The following BANP variants were observed in gnomAD, a reference collection of about 807,000 sequenced individuals.
BANP encodes the protein protein BANP.
In BANP, 11 loss-of-function variants were observed where a neutral mutation model predicts 68.1. The observed-to-expected ratio is 0.16, with a 90% CI of 0.10 to 0.27. The LOEUF (loss-of-function observed/expected upper bound fraction) is 0.27, where lower values mean the gene tolerates loss of function less well. BANP is among the 10% of genes least tolerant of loss of function. The pLI is 1.00. For missense variants in BANP, 504 were observed against 722.7 expected, an observed-to-expected ratio of 0.70 and a Z score of 3.47; for synonymous variants, 329 against 303.2, an observed-to-expected ratio of 1.09 and a Z score of -0.88.
At chr16:87,955,082 C>T (rs1215560992) in intron 1 of BANP, among the ~76,000 whole-genome samples, 1 of 152,250 alleles carries the variant, frequency 6.6e-6, no homozygotes, top group Non-Finnish European at 1.5e-5. Context: ...ACTTTGGCTC[C>T]TCGCTGGGTC....
intron 9 of BANP, among the ~76,000 whole-genome samples, chr16:88,033,772 C>T (rs547018620): frequency 6.6e-6 from 1 of 152,284 alleles, no homozygotes; most frequent in East Asian, 1.9e-4. Context: ...CTTGCCCGTG[C>T]GGAGTTCTCT....
chr16:88,055,083 A>G (rs55692025), intron 11 of BANP, among the ~76,000 whole-genome samples: 14,312 of 151,608 alleles, frequency 0.094, 1,533 homozygotes, highest in African/African-American at 0.26. Context: ...TGTTTCTAGT[A>G]CGTGTGTATT....
chr16:88,049,220 G>T (rs2082700046), intron 11 of BANP, among the ~76,000 whole-genome samples: 1 of 152,170 alleles, frequency 6.6e-6, no homozygotes, highest in African/African-American at 2.4e-5. Flanking sequence ...CCGGCTTCAG[G>T]TTGGGCTTCC....
At chr16:87,972,994 G>A (rs952345339) in intron 1 of BANP, among the ~76,000 whole-genome samples, 9 of 151,920 alleles carry the variant, frequency 5.9e-5, no homozygotes, top group African/African-American at 1.2e-4. Flanking sequence ...TCCTATGCCC[G>A]TGTGCCATGC....
intron 7 of BANP, among the ~76,000 whole-genome samples, chr16:88,019,799 A>G (rs2152678149): frequency 6.6e-6 from 1 of 152,034 alleles, no homozygotes; most frequent in Non-Finnish European, 1.5e-5. Flanking sequence ...GTGGCCCGTG[A>G]GCCTCTGTCA....
intron 12 of BANP, among the ~76,000 whole-genome samples, chr16:88,068,261 G>A (rs931486884): frequency 4.6e-5 from 7 of 152,226 alleles, no homozygotes; most frequent in African/African-American, 1.7e-4. Context: ...CCCCAGGCTT[G>A]GGTTTCCTGG....
chr16:88,015,608 C>T (rs934687678), intron 6 of BANP, among the ~76,000 whole-genome samples: 1 of 152,238 alleles, frequency 6.6e-6, no homozygotes, highest in African/African-American at 2.4e-5. Flanking sequence ...TGCTTGGGGT[C>T]ACCCGTTCTC....
At chr16:87,991,200 C>A (rs145708219) in intron 4 of BANP, among the ~76,000 whole-genome samples, 2 of 152,310 alleles carry the variant, frequency 1.3e-5, no homozygotes, top group East Asian at 3.9e-4. Flanking sequence ...TACATACCTA[C>A]AACTTCAGGA....
At chr16:88,050,272 T>G (rs909096441) in intron 11 of BANP, among the ~76,000 whole-genome samples, 2 of 152,118 alleles carry the variant, frequency 1.3e-5, no homozygotes, top group South Asian at 4.1e-4. Context: ...TCCTCCCACC[T>G]CAGCCTCCCC....
intron 4 of BANP, among the ~76,000 whole-genome samples, chr16:87,997,270 G>A (rs143120747): frequency 6.6e-6 from 1 of 152,348 alleles, no homozygotes; most frequent in Non-Finnish European, 1.5e-5. Flanking sequence ...AAGAGGTTTT[G>A]TTTTAAATCC....
At chr16:87,967,299 G>A (rs2060212319) in intron 1 of BANP, among the ~76,000 whole-genome samples, 1 of 140,722 alleles carries the variant, frequency 7.1e-6, no homozygotes, top group Non-Finnish European at 1.5e-5. Flanking sequence ...AGTAGAGACG[G>A]GGTTTCACCC....
At chr16:88,048,574 A>T (rs1252740808) in intron 11 of BANP, among the ~76,000 whole-genome samples, 1 of 151,940 alleles carries the variant, frequency 6.6e-6, no homozygotes, top group Non-Finnish European at 1.5e-5. Context: ...ACCACAGATT[A>T]AAGAAAGGGC....
intron 6 of BANP, among the ~76,000 whole-genome samples, chr16:88,013,057 C>A (rs965326239): frequency 6.6e-6 from 1 of 152,210 alleles, no homozygotes; most frequent in African/African-American, 2.4e-5. Flanking sequence ...CATTTAAACT[C>A]AGAGTCTTTG....
chr16:88,069,638 C>T (rs2089788025), intron 12 of BANP, among the ~76,000 whole-genome samples: 1 of 152,226 alleles, frequency 6.6e-6, no homozygotes, highest in South Asian at 2.1e-4. Flanking sequence ...CCTAACCCCA[C>T]CCAGGTCTCA....
intron 6 of BANP, among the ~76,000 whole-genome samples, chr16:88,016,162 G>C (rs571408707): frequency 6.6e-6 from 1 of 152,230 alleles, no homozygotes; most frequent in Admixed American, 6.5e-5. Context: ...GGTTTAATCT[G>C]ACCAGGAAAT....
rs2085472293 is a variant in BANP, at chr16:88,057,751, GGGC to G, written c.1312-7513_1312-7511del. Among the ~76,000 whole-genome samples the G allele has an allele frequency of 1.0e-5, 1 of 95,350 alleles. No individual in the cohort carries two copies. The highest frequency in any genetic ancestry group is 2.5e-5 in the Non-Finnish European group (1 of 40,806). The allele number at this position is 95,350 out of a possible 152,430, so 62.6% of individuals were successfully genotyped here. ...GAGAGATGGCGGGGCCATCTGGGTG[GGGC>G]GGGGGGGGGGGTGCGTGCAGTGACT... is the stretch of plus-strand genomic sequence containing the variant. On this transcript the variant is annotated intron_variant, in intron 11 of 13. Coordinates refer to ENST00000682872, the MANE Select transcript of BANP (RefSeq NM_001386991.1). The surrounding 1 kb of genome is among the most constrained non-coding windows in gnomAD (Gnocchi z 4.6).
intron 1 of BANP, among the ~76,000 whole-genome samples, chr16:87,973,753 CAAAAAAA>C (rs58334556): frequency 0.48 from 47,817 of 99,884 alleles, 8,974 homozygotes; most frequent in Non-Finnish European, 0.53. Context: ...AACTCCATCA[CAAAAAAA>C]AAAAAAAAAA....
chr16:87,961,407 GC>G (rs2059110034), intron 1 of BANP, among the ~76,000 whole-genome samples: 3 of 117,570 alleles, frequency 2.6e-5, no homozygotes, highest in Non-Finnish European at 4.0e-5. Flanking sequence ...CACAGAATCT[GC>G]ACCCCCCCGG....
At chr16:87,951,992 G>A (rs540776591) in intron 1 of BANP, among the ~76,000 whole-genome samples, 5 of 150,148 alleles carry the variant, frequency 3.3e-5, no homozygotes, top group East Asian at 2.0e-4. Flanking sequence ...GTGGACCGGA[G>A]CCCCATAGCC....
Sources: gnomAD v4.1 joint callset for allele counts (sites outside exome capture counted in the v4.1 genomes callset) on GRCh38, gnomAD v4.1.1 for gene constraint, Gnocchi (gnomAD v3.1) non-coding constraint, MANE v1.5 for transcripts, NCBI Gene and HGNC (gene_info 2026-07-23, HGNC 2026-07-21) for gene names.